Variants in TBC1D5 observed in about 807,000 individuals in gnomAD.
TBC1D5 encodes TBC1 domain family, member 5.
TBC1D5 carries 75 observed loss-of-function variants against 100.3 expected under a neutral mutation model. The observed-to-expected ratio is 0.75, with a 90% CI of 0.62 to 0.91. TBC1D5 has a LOEUF of 0.91. Among genes scored for constraint, TBC1D5 ranks in the 40% least tolerant of loss-of-function variants. TBC1D5 has a pLI of 0.00. For synonymous variants in TBC1D5, 323 were observed against 325.6 expected (o/e 0.99, Z 0.09); for missense variants, 910 against 942.4 (o/e 0.97, Z 0.45).
At chr3:17,185,542 T>C (rs536006259) in intron 18 of TBC1D5, among the ~76,000 whole-genome samples, 7 of 152,194 alleles carry the variant, frequency 4.6e-5, no homozygotes, top group Non-Finnish European at 1.0e-4. Flanking sequence ...ATCTTCAACA[T>C]TGAGCAACAC....
chr3:17,204,300 CCT>C (rs1357577500), intron 18 of TBC1D5, among the ~76,000 whole-genome samples: 1 of 152,162 alleles, frequency 6.6e-6, no homozygotes, highest in African/African-American at 2.4e-5. Context: ...CTTTTCCTTC[CCT>C]GTCATGCACA....
At chr3:17,418,170 CA>C (rs2094128383) in intron 4 of TBC1D5, among the ~76,000 whole-genome samples, 1 of 152,008 alleles carries the variant, frequency 6.6e-6, no homozygotes, top group African/African-American at 2.4e-5. Context: ...TTTTTTATTC[CA>C]TAGCAGCTTT....
chr3:17,167,688 TG>T, intron 20 of TBC1D5, 60 bp downstream of exon 21: 3 of 1,492,684 alleles, frequency 2.0e-6, no homozygotes, highest in African/African-American at 1.4e-5. Context: ...CTCCATGCCC[TG>T]GGGGGCCCTC....
At chr3:17,682,886 T>C (rs1203895057) in intron 1 of TBC1D5, among the ~76,000 whole-genome samples, 3 of 151,562 alleles carry the variant, frequency 2.0e-5, no homozygotes, top group South Asian at 2.1e-4. Flanking sequence ...CAGTTACTTA[T>C]GGCATTCATA....
intron 17 of TBC1D5, among the ~76,000 whole-genome samples, chr3:17,236,246 C>T (rs2148989718): frequency 6.6e-6 from 1 of 152,222 alleles, no homozygotes; most frequent in Middle Eastern, 3.4e-3. Context: ...CATTTGCCTG[C>T]CATCAGTTAG....
At chr3:17,419,448 T>C (rs1017893710) in intron 4 of TBC1D5, among the ~76,000 whole-genome samples, 1 of 152,312 alleles carries the variant, frequency 6.6e-6, no homozygotes, top group South Asian at 2.1e-4. Flanking sequence ...CTCAATATCT[T>C]TGGAGAATCT....
chr3:17,186,710 C>CAAAAAAAAAAAAAAAAAAAAAAA (rs58438478), intron 18 of TBC1D5, among the ~76,000 whole-genome samples: 8 of 27,282 alleles, frequency 2.9e-4, no homozygotes, highest in Admixed American at 8.7e-4. Flanking sequence ...ACTCTATCTC[C>CAAAAAAAAAAAAAAAAAAAAAAA]AAAAAAAAAA....
At chr3:17,614,238 G>T (rs553588223) in intron 2 of TBC1D5, among the ~76,000 whole-genome samples, 133 of 152,250 alleles carry the variant, frequency 8.7e-4, no homozygotes, top group African/African-American at 2.6e-3. Context: ...ATGTTCCATT[G>T]CTCCATATAT....
chr3:17,366,903 G>A (rs1414022935), intron 13 of TBC1D5, among the ~76,000 whole-genome samples: 2 of 151,972 alleles, frequency 1.3e-5, no homozygotes, highest in African/African-American at 2.4e-5. Context: ...TAAACTGCAC[G>A]GTAAAACAAC....
chr3:17,381,668 T>C (rs1447544104), intron 9 of TBC1D5, among the ~76,000 whole-genome samples: 4 of 152,078 alleles, frequency 2.6e-5, no homozygotes, highest in Admixed American at 6.6e-5. Flanking sequence ...AATAGATTTT[T>C]TCCCCCAGTC....
At chr3:17,736,816 G>A (rs112188200) in intron 1 of TBC1D5, among the ~76,000 whole-genome samples, 7,648 of 152,164 alleles carry the variant, frequency 0.05, 589 homozygotes, top group African/African-American at 0.17. Flanking sequence ...TTTGAGACCA[G>A]CCTGAACAAC....
intron 2 of TBC1D5, among the ~76,000 whole-genome samples, chr3:17,532,910 C>A (rs1478974113): frequency 6.6e-6 from 1 of 151,662 alleles, no homozygotes; most frequent in Non-Finnish European, 1.5e-5. Flanking sequence ...TGGGTGCAGC[C>A]CACCAACATG....
chr3:17,271,894 G>C lies in TBC1D5; in HGVS notation c.1246-13303C>G, dbSNP rs191450554. 4.3e-3 allele frequency among the ~76,000 whole-genome samples: 647 copies of C among 152,116 alleles called. 1 individual carries two copies. The highest frequency in any genetic ancestry group is 6.6e-3 in the Non-Finnish European group (451 of 67,944). On this transcript the variant is annotated intron_variant, in intron 15 of 21. Coordinates refer to ENST00000253692, the Ensembl canonical transcript of TBC1D5. ...TTTTGTTTTTAATTCAGTTTATGTG[G>C]TTACTATACAAGACGACCATCTGCA...
chr3:17,294,749 C>G (rs543141770), intron 14 of TBC1D5, among the ~76,000 whole-genome samples: 1 of 152,274 alleles, frequency 6.6e-6, no homozygotes, highest in Non-Finnish European at 1.5e-5. Flanking sequence ...CAAATAAGTT[C>G]ACTGCTTTCA....
intron 17 of TBC1D5, among the ~76,000 whole-genome samples, chr3:17,232,770 C>T (rs1282849570): frequency 6.6e-6 from 1 of 151,870 alleles, no homozygotes; most frequent in Non-Finnish European, 1.5e-5. Flanking sequence ...CTGTTCCACC[C>T]CCCCTAAAAA....
intron 1 of TBC1D5, among the ~76,000 whole-genome samples, chr3:17,696,270 G>C (rs1282096235): frequency 6.6e-6 from 1 of 152,018 alleles, no homozygotes; most frequent in Non-Finnish European, 1.5e-5. Context: ...GAAGGAAATA[G>C]AGACACAAAA....
chr3:17,215,826 A>G (rs2126021906), intron 17 of TBC1D5, among the ~76,000 whole-genome samples: 1 of 152,256 alleles, frequency 6.6e-6, no homozygotes, highest in Non-Finnish European at 1.5e-5. Context: ...TTATAGACTA[A>G]CATTCTCCAA....
chr3:17,378,075 A>T (rs969020135), intron 9 of TBC1D5, among the ~76,000 whole-genome samples: 1 of 151,892 alleles, frequency 6.6e-6, no homozygotes, highest in Non-Finnish European at 1.5e-5. Flanking sequence ...TTAAAATAAT[A>T]AATAAGTATT....
intron 2 of TBC1D5, among the ~76,000 whole-genome samples, chr3:17,586,828 C>G (rs929706846): frequency 6.6e-6 from 1 of 152,022 alleles, no homozygotes; most frequent in Non-Finnish European, 1.5e-5. Context: ...ACAAAAACAT[C>G]AGGCTTCACT....
Sources: gnomAD v4.1 joint callset for allele counts (sites outside exome capture counted in the v4.1 genomes callset) on GRCh38, gnomAD v4.1.1 for gene constraint, MANE v1.5 for transcripts, NCBI Gene and HGNC (gene_info 2026-07-23, HGNC 2026-07-21) for gene names.